PAPLN: variants seen among roughly 807,000 people sequenced by gnomAD.
The protein encoded by PAPLN is papilin, proteoglycan like sulfated glycoprotein, also known as papilin.
In PAPLN, 146 loss-of-function variants were observed where a neutral mutation model predicts 159.0. The ratio of observed to expected loss-of-function variants is 0.92; its 90% confidence interval spans 0.80 to 1.05. The LOEUF is 1.05. Ranked by LOEUF, PAPLN falls within the 50% of genes least tolerant of loss-of-function variation. The pLI is 0.00. For missense variants in PAPLN, 1,720 were observed against 1,743.9 expected (o/e 0.99, Z 0.24); for synonymous variants, 734 against 702.9 (o/e 1.04, Z -0.70).
chr14:73,270,144 C>T (rs926889293), intron 26 of PAPLN, among the ~76,000 whole-genome samples: 1 of 152,232 alleles, frequency 6.6e-6, no homozygotes, highest in Admixed American at 6.5e-5. Context: ...CGCCAGCCCG[C>T]CGCCTTGACC....
chr14:73,237,315 G>C (rs909102521), upstream of PAPLN, among the ~76,000 whole-genome samples: 5 of 152,228 alleles, frequency 3.3e-5, no homozygotes, highest in Non-Finnish European at 5.9e-5. Flanking sequence ...GACCAGAGTG[G>C]AGGATGAGCC....
In PAPLN at chr14:73,250,068, C is replaced by A; in HGVS notation, c.419C>A (p.Pro140His). 1 of 1,612,644 alleles carries A rather than the reference C, an allele frequency of 6.2e-7. No individual in the cohort carries two copies. Among genetic ancestry groups the A allele is most frequent in the South Asian group, 1.1e-5 (1 of 90,696 alleles). Residue 140 changes from proline (P) to histidine (H), a missense_variant, in exon 6 of 27, where the codon CCC becomes CAC. Coordinates refer to ENST00000644200, the MANE Select transcript of PAPLN (RefSeq NM_001365906.3). ...KHREAVVDGT[P>H]CEPGKRDVCV... ...AGGGAGGCTGTGGTTGATGGGACGC[C>A]CTGCGAGCCTGGCAAGAGGGATGTC...
intron 14 of PAPLN, among the ~76,000 whole-genome samples, chr14:73,257,417 G>GT (rs1555363033): frequency 2.7e-5 from 4 of 150,788 alleles, no homozygotes; most frequent in African/African-American, 9.8e-5. Flanking sequence ...TTCAGGGGGG[G>GT]TCCTACAGGT....
chr14:73,252,625 C>G, intron 10 of PAPLN, 24 bp from the exon 11 acceptor site: 1 of 1,608,024 alleles, frequency 6.2e-7, no homozygotes. Context: ...GGCGTCTGCC[C>G]GCCATGGCTG....
In PAPLN at chr14:73,264,097, G is replaced by A. The variant is rs1490755934; in HGVS notation, c.2862-114G>A. 70 of 1,581,504 alleles carry A rather than the reference G, an allele frequency of 4.4e-5. 2 individuals are homozygous for A. In the South Asian group the frequency reaches 5.4e-4, roughly 12 times the overall value. On this transcript the variant is annotated intron_variant, in intron 20 of 26. Coordinates refer to ENST00000644200, the MANE Select transcript of PAPLN (RefSeq NM_001365906.3). The stretch of plus-strand genomic sequence containing the variant: ...TATTCCCCCAGCCTCACTTGGGGTG[G>A]GAGGGTGCTCTGTAGACTCTGGTCC...
chr14:73,264,112 G>C, intron 20 of PAPLN, 99 bp from the exon 21 acceptor site: 1 of 1,597,284 alleles, frequency 6.3e-7, no homozygotes, highest in Non-Finnish European at 8.5e-7. Context: ...GTGCTCTGTA[G>C]ACTCTGGTCC....
chr14:73,253,081 T>C (rs1429074762), intron 11 of PAPLN: 1 of 1,362,052 alleles, frequency 7.3e-7, no homozygotes, highest in African/African-American at 1.4e-5. Flanking sequence ...AGGGTTTGGC[T>C]TGGCAGATGC....
At chr14:73,242,090 C>G (rs894465434) in intron 2 of PAPLN, among the ~76,000 whole-genome samples, 2 of 152,256 alleles carry the variant, frequency 1.3e-5, no homozygotes, top group Non-Finnish European at 2.9e-5. Context: ...CAAGAGTGTG[C>G]TCATGCTGCC....
At chr14:73,250,223 C>G in intron 6 of PAPLN, 109 bp downstream of exon 6, 1 of 1,376,726 alleles carries the variant, frequency 7.3e-7, no homozygotes, top group East Asian at 2.7e-5. Flanking sequence ...AGCTTGGTGT[C>G]TTCTCAAGTT....
intron 25 of PAPLN, among the ~76,000 whole-genome samples, chr14:73,268,002 T>C (rs767807257): frequency 3.9e-5 from 6 of 152,000 alleles, no homozygotes; most frequent in African/African-American, 7.3e-5. Context: ...CAGGACACTG[T>C]CCTGGCCAAG....
Position 73,265,720 on chromosome 14 carries a change from C to T in PAPLN, c.3263+213C>T, listed in dbSNP as rs1164367514. Among the ~76,000 whole-genome samples, 1 of 152,124 alleles carries T rather than the reference C, an allele frequency of 6.6e-6. No homozygotes were observed. Among genetic ancestry groups the T allele is most frequent in the East Asian group, 1.9e-4 (1 of 5,180 alleles). ...GCCTTTCCAGAATGTGGTTAGTGGA[C>T]AGAAATAAGAGGCCAGCTAACAGAG... On this transcript the variant is annotated intron_variant, in intron 23 of 26. Coordinates refer to ENST00000644200, the MANE Select transcript of PAPLN (RefSeq NM_001365906.3). The surrounding 1 kb of genome is among the most constrained non-coding windows in gnomAD (Gnocchi z 4.1).
chr14:73,250,400 C>T (rs575095371), intron 6 of PAPLN, among the ~76,000 whole-genome samples: 10 of 152,334 alleles, frequency 6.6e-5, no homozygotes, highest in Admixed American at 3.9e-4. Context: ...CAGGGACAGC[C>T]GCAGGCGCAT....
chr14:73,249,199 A>C (rs1013982715), intron 5 of PAPLN, among the ~76,000 whole-genome samples: 1 of 152,180 alleles, frequency 6.6e-6, no homozygotes, highest in Non-Finnish European at 1.5e-5. Context: ...TTAGCATTTC[A>C]TTTTAGCCCC....
At chr14:73,236,506 C>T (rs1301395803), upstream of PAPLN, among the ~76,000 whole-genome samples, 3 of 151,984 alleles carry the variant, frequency 2.0e-5, no homozygotes, top group African/African-American at 7.3e-5. Flanking sequence ...TGGGCGAGAC[C>T]TTGTTTCTAT....
chr14:73,266,582 C>G lies in PAPLN; in HGVS notation c.3345C>G (p.Phe1115Leu), dbSNP rs376299144. 49 of 1,614,056 alleles carry G rather than the reference C, an allele frequency of 3.0e-5. No individual in the cohort carries two copies. In the African/African-American group the frequency reaches 5.5e-4, roughly 18 times the overall value. ...GCGGCTTCTACACCTGTGTCGCTTT[C>G]AATGGGCAGGACCGAGACCAGCGAT... ...EDGGFYTCVA[F>L]NGQDRDQRWV... The change falls in exon 24 of 27, where the codon TTC (phenylalanine) becomes TTG (leucine). Residue 1115 changes from phenylalanine (F) to leucine (L), a missense_variant. Phe to Leu is a conservative substitution (Grantham distance 22). Coordinates refer to ENST00000644200, the MANE Select transcript of PAPLN (RefSeq NM_001365906.3).
rs1433545673 is a variant in PAPLN, at chr14:73,273,408, A to C, written c.*744A>C. 6.6e-6 allele frequency: 1 copy of C among 152,200 alleles called. No homozygotes were observed. The highest frequency in any genetic ancestry group is 1.9e-4 in the East Asian group (1 of 5,200). The allele number at this position is 152,200 out of a possible 1,614,324, so 9.4% of individuals were successfully genotyped here. A position where few individuals can be genotyped will look rare whatever the true frequency, so the allele number is the denominator to read the frequency against. On this transcript the variant is annotated 3_prime_UTR_variant, in exon 27 of 27. Coordinates refer to ENST00000644200, the MANE Select transcript of PAPLN (RefSeq NM_001365906.3). ...TGGGTTCAAGCGCTTCTCCAGCCTC[A>C]GCCTCCTGAGTAGCTGGGATTACAG...
chr14:73,258,651 A>G (rs914383180), intron 14 of PAPLN, among the ~76,000 whole-genome samples: 1 of 140,390 alleles, frequency 7.1e-6, no homozygotes, highest in African/African-American at 2.7e-5. Flanking sequence ...AGTCCCAGCT[A>G]CTCAGGGGGC....
At chr14:73,264,382 T>G in intron 21 of PAPLN, 47 bp downstream of exon 21, 1 of 1,586,892 alleles carries the variant, frequency 6.3e-7, no homozygotes, top group Non-Finnish European at 8.6e-7. Flanking sequence ...GGGGCCCGAG[T>G]GGGAAGGCCA....
At chr14:73,251,403 C>T in intron 7 of PAPLN, 83 bp from the exon 8 acceptor site, 3 of 1,379,130 alleles carry the variant, frequency 2.2e-6, no homozygotes, top group Non-Finnish European at 3.0e-6. Context: ...CCATTCTGTG[C>T]TGTGTGGCAC....
Sources: allele counts gnomAD v4.1 joint callset (sites outside exome capture counted in the v4.1 genomes callset), GRCh38; gene constraint gnomAD v4.1.1; non-coding constraint Gnocchi (gnomAD v3.1); transcripts MANE v1.5; gene names NCBI Gene and HGNC (gene_info 2026-07-23, HGNC 2026-07-21).